The following RBFOX1 variants were observed in gnomAD, a reference collection of about 807,000 sequenced individuals.
RBFOX1 encodes RNA binding fox-1 homolog 1, also known as RNA binding protein fox-1 homolog 1.
RBFOX1 carries 8 observed loss-of-function variants against 57.7 expected under a neutral mutation model. The ratio of observed to expected loss-of-function variants is 0.14; its 90% CI spans 0.08 to 0.25. The LOEUF is 0.25. Ranked by LOEUF, RBFOX1 falls within the 10% of genes least tolerant of loss-of-function variation. The pLI is 1.00. For missense variants in RBFOX1, 611 were observed against 548.5 expected, an observed-to-expected ratio of 1.11 and a Z score of -1.14; for synonymous variants, 326 against 222.4, an observed-to-expected ratio of 1.47 and a Z score of -4.15.
chr16:5,737,176 G>A (rs968101281), intron 3 of RBFOX1, among the ~76,000 whole-genome samples: 4 of 152,034 alleles, frequency 2.6e-5, no homozygotes, highest in East Asian at 1.9e-4. Context: ...GAGGTCTGTC[G>A]TCATTTTTTT....
chr16:6,892,593 C>T (rs546038007), intron 3 of RBFOX1, among the ~76,000 whole-genome samples: 4 of 152,098 alleles, frequency 2.6e-5, no homozygotes, highest in African/African-American at 9.7e-5. Flanking sequence ...TCACTTGAAC[C>T]TGGGAAATGG....
At chr16:6,389,403 A>T (rs1351398509) in intron 2 of RBFOX1, among the ~76,000 whole-genome samples, 1 of 152,148 alleles carries the variant, frequency 6.6e-6, no homozygotes, top group Non-Finnish European at 1.5e-5. Context: ...ATGAAACTAC[A>T]TCTTTTATTT....
At chr16:7,304,525 G>C in intron 4 of RBFOX1, 1 of 985,264 alleles carries the variant, frequency 1.0e-6, no homozygotes, top group Non-Finnish European at 1.2e-6. Flanking sequence ...CTTTCCTGGG[G>C]CTGGGCCAGA....
intron 4 of RBFOX1, among the ~76,000 whole-genome samples, chr16:7,289,418 T>TCATCAC (rs1015030312): frequency 2.6e-5 from 4 of 152,130 alleles, no homozygotes; most frequent in Admixed American, 1.3e-4. Flanking sequence ...ACCATTATCA[T>TCATCAC]CATCACCATC....
chr16:6,899,317 C>T (rs937228824), intron 3 of RBFOX1, among the ~76,000 whole-genome samples: 5 of 152,112 alleles, frequency 3.3e-5, no homozygotes, highest in African/African-American at 1.2e-4. Context: ...GTGTATGTTT[C>T]AGGGTTTCCT....
At chr16:6,335,038 G>C (rs536471286) in intron 2 of RBFOX1, among the ~76,000 whole-genome samples, 2 of 152,338 alleles carry the variant, frequency 1.3e-5, no homozygotes, top group Admixed American at 1.3e-4. Flanking sequence ...ATGCCTGTTA[G>C]TATTTCTAAC....
chr16:7,478,268 G>A (rs1346343448), intron 4 of RBFOX1, among the ~76,000 whole-genome samples: 1 of 152,194 alleles, frequency 6.6e-6, no homozygotes, highest in Non-Finnish European at 1.5e-5. Flanking sequence ...TGCGTAGAAT[G>A]AAGAGAACAC....
intron 2 of RBFOX1, among the ~76,000 whole-genome samples, chr16:6,522,728 G>A (rs1307452961): frequency 6.6e-6 from 1 of 152,106 alleles, no homozygotes; most frequent in Non-Finnish European, 1.5e-5. Context: ...TTTTGGTAAA[G>A]GAGACTGAAT....
chr16:5,334,790 T>G (rs1407705472), intron 1 of RBFOX1, among the ~76,000 whole-genome samples: 1 of 151,536 alleles, frequency 6.6e-6, no homozygotes, highest in Admixed American at 6.6e-5. Flanking sequence ...CCGTGGTCAT[T>G]GTCCTTAAGC....
intron 4 of RBFOX1, among the ~76,000 whole-genome samples, chr16:7,212,303 G>T (rs6500930): frequency 0.49 from 73,937 of 151,962 alleles, 18,420 homozygotes; most frequent in African/African-American, 0.57. Context: ...TGCCTCTGCT[G>T]TTCCAATATT....
chr16:7,395,859 A>C (rs2098131096), intron 4 of RBFOX1, among the ~76,000 whole-genome samples: 1 of 152,168 alleles, frequency 6.6e-6, no homozygotes, highest in Non-Finnish European at 1.5e-5. Context: ...CATCCTTCAG[A>C]TTAATTGACT....
chr16:6,752,787 A>G (rs967666843), intron 3 of RBFOX1, among the ~76,000 whole-genome samples: 4 of 149,378 alleles, frequency 2.7e-5, no homozygotes, highest in African/African-American at 9.8e-5. Context: ...CCTGCTGGTA[A>G]TGAAATTGTC....
At chr16:7,634,942 C>G (rs950692548) in intron 11 of RBFOX1, among the ~76,000 whole-genome samples, 5 of 152,184 alleles carry the variant, frequency 3.3e-5, no homozygotes, top group Admixed American at 6.5e-5. Flanking sequence ...TTTCAATAGG[C>G]TTTCAATAGA....
intron 1 of RBFOX1, among the ~76,000 whole-genome samples, chr16:5,250,640 A>G (rs1213165612): frequency 6.6e-6 from 1 of 152,222 alleles, no homozygotes; most frequent in South Asian, 2.1e-4. Context: ...TGCTATATTC[A>G]TTCTTCGGAA....
intron 4 of RBFOX1, among the ~76,000 whole-genome samples, chr16:7,328,177 C>G (rs2096636788): frequency 6.6e-6 from 1 of 152,032 alleles, no homozygotes; most frequent in African/African-American, 2.4e-5. Flanking sequence ...CTTATGTTAG[C>G]TGTTAAGATC....
intron 1 of RBFOX1, among the ~76,000 whole-genome samples, chr16:5,248,668 C>T (rs1220107674): frequency 4.0e-5 from 6 of 151,856 alleles, no homozygotes; most frequent in African/African-American, 1.2e-4. Context: ...AAAAGCTGTT[C>T]GGGGGAGACT....
intron 4 of RBFOX1, among the ~76,000 whole-genome samples, chr16:7,337,485 C>T (rs993000376): frequency 1.3e-5 from 2 of 152,086 alleles, no homozygotes; most frequent in Non-Finnish European, 1.5e-5. Context: ...GGCGTCTTTT[C>T]CAACTTACTG....
rs147840119 is a variant in RBFOX1 at position 7,476,329 on chromosome 16, C to T, written c.28-41818C>T. Among the ~76,000 whole-genome samples the T allele has an allele frequency of 1.9e-3, 290 of 152,298 alleles. 1 individual carries two copies. The highest frequency in any genetic ancestry group is 6.6e-3 in the African/African-American group (273 of 41,568). On this transcript the variant is annotated intron_variant, in intron 4 of 15. Transcript: ENST00000550418. ...CACAATTACAAGCTGTGGCCTTAATCCCTTTCCTTAATGCTTTCTTGTCTT... is the reference window on the plus strand; with the variant it reads ...CACAATTACAAGCTGTGGCCTTAATTCCTTTCCTTAATGCTTTCTTGTCTT...
At chr16:6,217,608 G>T (rs879279729) in intron 1 of RBFOX1, among the ~76,000 whole-genome samples, 2 of 152,196 alleles carry the variant, frequency 1.3e-5, no homozygotes, top group Non-Finnish European at 2.9e-5. Context: ...ACATCGTGGT[G>T]CATCACTTTG....
Sources: gnomAD v4.1 joint callset for allele counts (sites outside exome capture counted in the v4.1 genomes callset) on GRCh38, gnomAD v4.1.1 for gene constraint, MANE v1.5 for transcripts, NCBI Gene and HGNC (gene_info 2026-07-23, HGNC 2026-07-21) for gene names.